ISX: variants seen among roughly 807,000 people sequenced by gnomAD.
The protein encoded by ISX is intestine-specific homeobox.
Under a neutral mutation model 16.9 loss-of-function variants are expected in ISX, and 15 were observed. That is an observed-to-expected ratio of 0.89 (90% confidence interval 0.59 to 1.36). The LOEUF (loss-of-function observed/expected upper bound fraction) is 1.36. Among genes scored for constraint, ISX ranks in the 40% most tolerant of loss-of-function variants. The probability of loss-of-function intolerance (pLI) is 0.00; values close to 1 mark genes in which losing one functional copy is unlikely to be tolerated. For synonymous variants in ISX, 125 were observed against 119.7 expected (o/e 1.04, Z -0.29); for missense variants, 316 against 306.1 (o/e 1.03, Z -0.24).
chr22:35,074,032 C>A lies in ISX; in HGVS notation c.229+6716C>A, dbSNP rs73883510. ...TTCCCAGACTAAGCCAGGTGAAGGG[C>A]AGAATGATAAGCAACCTTCAGCCGT... On this transcript the variant is annotated intron_variant, in intron 2 of 4. Transcript: ENST00000404699. Among the ~76,000 whole-genome samples the A allele has an allele frequency of 1.0e-3, 157 of 152,292 alleles. 1 individual carries two copies. The highest frequency in any genetic ancestry group is 3.6e-3 in the African/African-American group (151 of 41,572).
chr22:35,085,700 G>A lies in ISX; in HGVS notation c.*7G>A. 2 of 1,614,150 alleles carry A rather than the reference G, an allele frequency of 1.2e-6. No individual in the cohort carries two copies. Among genetic ancestry groups the A allele is most frequent in the South Asian group, 2.2e-5 (2 of 91,074 alleles). ...CTGTGCTACTTCAACATAGAGATTG[G>A]ACATGCTCTCCCCAAATGAGCCACT... is the stretch of plus-strand genomic sequence containing the variant. On this transcript the variant is annotated 3_prime_UTR_variant, in exon 5 of 5. Coordinates refer to ENST00000404699, the MANE Select transcript of ISX (RefSeq NM_001303508.2).
chr22:35,078,830 G>T (rs1367759685), intron 2 of ISX, among the ~76,000 whole-genome samples: 1 of 152,226 alleles, frequency 6.6e-6, no homozygotes, highest in Non-Finnish European at 1.5e-5. Context: ...AACGCGTTCT[G>T]CAGGCAAGCC....
intron 4 of ISX, among the ~76,000 whole-genome samples, chr22:35,085,035 C>T (rs1172457278): frequency 6.6e-6 from 1 of 152,068 alleles, no homozygotes; most frequent in Non-Finnish European, 1.5e-5. Context: ...GTGCTAAACA[C>T]GGGATAGAGC....
intron 2 of ISX, among the ~76,000 whole-genome samples, chr22:35,068,497 T>A (rs1928766184): frequency 6.6e-6 from 1 of 152,186 alleles, no homozygotes; most frequent in African/African-American, 2.4e-5. Flanking sequence ...TTTTTGGAAG[T>A]TCATTAATAT....
intron 4 of ISX, 117 bp from the exon 5 acceptor site, chr22:35,085,337 C>G: frequency 2.3e-6 from 3 of 1,293,452 alleles, no homozygotes; most frequent in Non-Finnish European, 3.3e-6. Flanking sequence ...CTGAGCAAAC[C>G]AGAACAAGTG....
Position 35,066,354 on chromosome 22 carries a change from A to T in ISX, c.-445A>T, listed in dbSNP as rs1204906783. On this transcript the variant is annotated 5_prime_UTR_variant, in exon 1 of 5. Transcript: ENST00000404699. ...GAGGCACCTGAGAAGAATCAGACCC[A>T]CAGCTCAGCCCAGCCCTGGCACAGA... is the stretch of plus-strand genomic sequence containing the variant. 6.6e-6 allele frequency: 1 copy of T among 152,332 alleles called. No homozygotes were observed. The highest frequency in any genetic ancestry group is 1.5e-5 in the Non-Finnish European group (1 of 68,282). 9.4% of individuals were successfully genotyped at this position (152,332 alleles called of 1,614,324 possible).
chr22:35,070,271 G>A (rs361598), intron 2 of ISX, among the ~76,000 whole-genome samples: 78,332 of 152,058 alleles, frequency 0.52, 20,446 homozygotes, highest in East Asian at 0.79. Flanking sequence ...GAAAATCCAA[G>A]AGGACTTCTT....
At chr22:35,083,343 T>C (rs1488266287) in intron 3 of ISX, among the ~76,000 whole-genome samples, 2 of 152,210 alleles carry the variant, frequency 1.3e-5, no homozygotes, top group South Asian at 2.1e-4. Context: ...TTGGAGGCAG[T>C]GTAGAGAAGT....
At chr22:35,073,076 C>G (rs890678893) in intron 2 of ISX, among the ~76,000 whole-genome samples, 4 of 152,176 alleles carry the variant, frequency 2.6e-5, no homozygotes, top group Non-Finnish European at 4.4e-5. Flanking sequence ...TAGCCTTTCT[C>G]AAAGTAAACA....
At chr22:35,073,134 C>T (rs1317790422) in intron 2 of ISX, among the ~76,000 whole-genome samples, 1 of 152,128 alleles carries the variant, frequency 6.6e-6, no homozygotes, top group Non-Finnish European at 1.5e-5. Flanking sequence ...TAGGACTTAG[C>T]CTGAGAAATT....
Position 35,085,663 on chromosome 22 carries a change from A to G in ISX, c.708A>G (p.Lys236=). The part of the protein sequence containing the change: ...VLCILPPPHP[K]WGSICATST ...GCATCCTTCCACCTCCACACCCCAAATGGGGCAGCATCTGTGCTACTTCAA... is the reference window on the plus strand; with the variant it reads ...GCATCCTTCCACCTCCACACCCCAAGTGGGGCAGCATCTGTGCTACTTCAA... Residue 236 remains lysine, a synonymous_variant, in exon 5 of 5, where the codon AAA becomes AAG. Transcript: ENST00000404699. 2 of 1,613,958 alleles carry G rather than the reference A, an allele frequency of 1.2e-6. No homozygotes were observed. The highest frequency in any genetic ancestry group is 1.7e-6 in the Non-Finnish European group (2 of 1,179,918).
Position 35,066,956 on chromosome 22 carries a change from A to G in ISX, c.-132A>G. ...CCTGTGGACACGAAATCCTGTTTGGATCATCTAACTGGAGGCTCTCTGTTC... is the reference window on the plus strand; with the variant it reads ...CCTGTGGACACGAAATCCTGTTTGGGTCATCTAACTGGAGGCTCTCTGTTC... On this transcript the variant is annotated 5_prime_UTR_variant, in exon 2 of 5. Transcript: ENST00000404699. 1.6e-6 allele frequency: 1 copy of G among 636,886 alleles called. No individual in the cohort carries two copies. The highest frequency in any genetic ancestry group is 2.0e-5 in the South Asian group (1 of 51,052). 39.5% of individuals were successfully genotyped at this position (636,886 alleles called of 1,614,324 possible).
chr22:35,073,537 C>G (rs1928909656), intron 2 of ISX, among the ~76,000 whole-genome samples: 1 of 152,180 alleles, frequency 6.6e-6, no homozygotes, highest in South Asian at 2.1e-4. Flanking sequence ...ATCACATAAT[C>G]ACAAATGAAA....
chr22:35,084,501 T>TAAGTGGCTGA lies in ISX; in HGVS notation c.498+3_498+12dup, dbSNP rs1219721543. 1 of 1,602,214 alleles carries TAAGTGGCTGA rather than the reference T, an allele frequency of 6.2e-7. No homozygotes were observed. Among genetic ancestry groups the TAAGTGGCTGA allele is most frequent in the Non-Finnish European group, 8.5e-7 (1 of 1,170,666 alleles). The stretch of plus-strand genomic sequence containing the variant: ...CTGCCCACAAATCTGGATGTGGCTG[T>TAAGTGGCTGA]AAGTGGCTGAGGCCTCAAGGTAGGG... On this transcript the variant is annotated splice_region_variant and intron_variant, in intron 4 of 4. Transcript: ENST00000404699.
intron 2 of ISX, among the ~76,000 whole-genome samples, chr22:35,069,202 T>A (rs1928786484): frequency 6.6e-6 from 1 of 152,252 alleles, no homozygotes; most frequent in Admixed American, 6.5e-5. Flanking sequence ...TAAAATACAT[T>A]TATTATTTGA....
chr22:35,067,235 G>A lies in ISX; in HGVS notation c.148G>A (p.Glu50Lys). The A allele has an allele frequency of 1.2e-6, 2 of 1,608,386 alleles. No homozygotes were observed. Among genetic ancestry groups the A allele is most frequent in the Non-Finnish European group, 1.7e-6 (2 of 1,177,454 alleles). The stretch of plus-strand genomic sequence containing the variant: ...CAGGAGGAGTGATATGGACAGACCA[G>A]AAGGGCCAGGTGAAGAGGGCCCCGG... The part of the protein sequence containing the change: ...PARRSDMDRP[E>K]GPGEEGPGEA... Residue 50 changes from glutamate (E) to lysine (K), a missense_variant, in exon 2 of 5, where the codon GAA becomes AAA. Transcript: ENST00000404699.
At chr22:35,082,694 C>G (rs761959842) in intron 3 of ISX, 25 bp downstream of exon 3, 1 of 1,613,286 alleles carries the variant, frequency 6.2e-7, no homozygotes, top group South Asian at 1.1e-5. Context: ...ACCTCAGCCC[C>G]CAGCCTCCAT....
chr22:35,086,183 A>C lies in ISX; in HGVS notation c.*490A>C, dbSNP rs1274292247. On this transcript the variant is annotated 3_prime_UTR_variant, in exon 5 of 5. Transcript: ENST00000404699. ...CACATGAGTACCTACTGAGGACTCC[A>C]TAAACAGAACGGGATACAGAGATAA... 1 of 199,116 alleles carries C rather than the reference A, an allele frequency of 5.0e-6. No individual in the cohort carries two copies. The highest frequency in any genetic ancestry group is 1.0e-5 in the Non-Finnish European group (1 of 96,554). The allele number at this position is 199,116 out of a possible 1,614,324, so 12.3% of individuals were successfully genotyped here. A position where few individuals can be genotyped will look rare whatever the true frequency, so the allele number is the denominator to read the frequency against.
rs1307595966 is a variant in ISX, at chr22:35,067,119, G to A, written c.32G>A (p.Arg11Lys). 4 of 1,613,922 alleles carry A rather than the reference G, an allele frequency of 2.5e-6. No homozygotes were observed. Among genetic ancestry groups the A allele is most frequent in the Non-Finnish European group, 2.5e-6 (3 of 1,179,990 alleles). MCAEVGPALC[R>K]GMERNSLGCC... Reference sequence around the variant, plus strand: ...GCTGAGGTGGGCCCTGCTCTCTGCAGGGGTATGGAGAGAAATAGCTTGGGG... The same window carrying A: ...GCTGAGGTGGGCCCTGCTCTCTGCAAGGGTATGGAGAGAAATAGCTTGGGG... Residue 11 changes from arginine to lysine, a missense_variant, in exon 2 of 5, where the codon AGG (arginine) becomes AAG (lysine). Arg to Lys is a conservative substitution (Grantham distance 26). Coordinates refer to ENST00000404699, the MANE Select transcript of ISX (RefSeq NM_001303508.2).
Sources: allele counts gnomAD v4.1 joint callset (sites outside exome capture counted in the v4.1 genomes callset), GRCh38; gene constraint gnomAD v4.1.1; transcripts MANE v1.5; gene names NCBI Gene and HGNC (gene_info 2026-07-23, HGNC 2026-07-21).